The following ALX4 variants were observed in gnomAD, a reference collection of about 807,000 sequenced individuals.
The protein encoded by ALX4 is ALX homeobox 4.
ALX4 carries 22 observed loss-of-function variants against 40.6 expected under a neutral mutation model. The ratio of observed to expected loss-of-function variants is 0.54; its 90% CI spans 0.39 to 0.77. The LOEUF (loss-of-function observed/expected upper bound fraction) is 0.77. Ranked by LOEUF, ALX4 falls within the 30% of genes least tolerant of loss-of-function variation. The pLI is 0.00. For synonymous variants in ALX4, 266 were observed against 240.5 expected, an observed-to-expected ratio of 1.11 and a Z score of -0.98; for missense variants, 556 against 564.8, an observed-to-expected ratio of 0.98 and a Z score of 0.16.
rs373805352 is a variant in ALX4, at chr11:44,294,565, C to T, written c.466+15032G>A. Among the ~76,000 whole-genome samples the T allele has an allele frequency of 4.6e-5, 7 of 152,320 alleles. No individual in the cohort carries two copies. In the South Asian group the frequency reaches 6.2e-4, roughly 14 times the overall value. ...TTTGTCCCTCCTTGAAGCCTGCCCC[C>T]GCTGCGTTAGGTAGAGATGGCAGCC... On this transcript the variant is annotated intron_variant, in intron 1 of 3. Coordinates refer to ENST00000652299, the MANE Select transcript of ALX4 (RefSeq NM_021926.4).
rs1360664296 is a variant in ALX4 at position 44,287,608 on chromosome 11, AAAG to A, written c.467-11953_467-11951del. On this transcript the variant is annotated intron_variant, in intron 1 of 3. Coordinates refer to ENST00000652299, the MANE Select transcript of ALX4 (RefSeq NM_021926.4). ...AGAGACCTGTCTCAAAAAAAAAAGA[AAAG>A]AAAAGAAAAGAAAACAAAAAACTGG... is the stretch of plus-strand genomic sequence containing the variant. 6.1e-5 allele frequency among the ~76,000 whole-genome samples: 9 copies of A among 148,560 alleles called. 1 individual carries two copies. Among genetic ancestry groups the A allele is most frequent in the South Asian group, 4.2e-4 (2 of 4,772 alleles).
At chr11:44,267,699 G>C (rs1013274100) in intron 2 of ALX4, 77 bp from the exon 3 acceptor site, 1 of 1,597,778 alleles carries the variant, frequency 6.3e-7, no homozygotes, top group Non-Finnish European at 8.5e-7. Flanking sequence ...AGTGCAAACT[G>C]TTCCCTTGAG....
At position 44,275,626 on chromosome 11, in the gene ALX4, G is replaced by A. The variant is rs1458347692; in HGVS notation, c.499C>T (p.Pro167Ser). The change falls in exon 2 of 4, where the codon CCC becomes TCC. Residue 167 changes from proline to serine, a missense_variant. Pro to Ser is a moderately conservative substitution (Grantham distance 74). Transcript: ENST00000652299. ...ATCCCCACAGTGTCAGAGTCAGGGG[G>A]TAACTCTGGCTCACCCAGGGAGCTC... ...KESSLGEPELPPDSDTVGMDS... is the reference protein window; with the variant it reads ...KESSLGEPELSPDSDTVGMDS... 2 of 1,613,438 alleles carry A rather than the reference G, an allele frequency of 1.2e-6. No individual in the cohort carries two copies. Among genetic ancestry groups the A allele is most frequent in the Non-Finnish European group, 1.7e-6 (2 of 1,179,614 alleles).
Position 44,294,009 on chromosome 11 carries a change from A to C in ALX4, c.466+15588T>G, listed in dbSNP as rs925216299. ...GTGTGCTGAAAACCCCTCCCAGTGC[A>C]CCCCCTCCACCGTCTACAGAGCTCT... On this transcript the variant is annotated intron_variant, in intron 1 of 3. Transcript: ENST00000652299. 5.9e-5 allele frequency among the ~76,000 whole-genome samples: 9 copies of C among 151,548 alleles called. No individual in the cohort carries two copies. The South Asian group carries it at 8.4e-4, about 14-fold the overall frequency.
In ALX4 at chr11:44,275,642, C is replaced by G. The variant is rs1479643427; in HGVS notation, c.483G>C (p.Leu161=). Residue 161 remains leucine, a synonymous_variant, in exon 2 of 4, where the codon CTG becomes CTC. Coordinates refer to ENST00000652299, the MANE Select transcript of ALX4 (RefSeq NM_021926.4). ...AGTCAGGGGGTAACTCTGGCTCACC[C>G]AGGGAGCTCTCTTTAGCTGAGGGAG... ...QVPCYAKESS[L]GEPELPPDSD... is the part of the protein sequence containing the mutation. 2.5e-6 allele frequency: 4 copies of G among 1,613,276 alleles called. No homozygotes were observed. Among genetic ancestry groups the G allele is most frequent in the Non-Finnish European group, 3.4e-6 (4 of 1,179,494 alleles).
At chr11:44,280,207 G>A (rs1440485762) in intron 1 of ALX4, among the ~76,000 whole-genome samples, 1 of 152,204 alleles carries the variant, frequency 6.6e-6, no homozygotes, top group East Asian at 1.9e-4. Flanking sequence ...GACCTTGAGC[G>A]ATGTCTCCAT....
At chr11:44,265,839 G>A (rs1956210711) in intron 3 of ALX4, among the ~76,000 whole-genome samples, 3 of 152,298 alleles carry the variant, frequency 2.0e-5, no homozygotes, top group Non-Finnish European at 4.4e-5. Context: ...AGGGGCGAGG[G>A]CATGTGCAGG....
intron 1 of ALX4, among the ~76,000 whole-genome samples, chr11:44,298,890 G>A (rs1436347240): frequency 2.0e-5 from 3 of 152,162 alleles, no homozygotes; most frequent in African/African-American, 7.2e-5. Flanking sequence ...GATGAACGAA[G>A]AGAGAGTGGA....
At position 44,309,814 on chromosome 11, in the gene ALX4, C is replaced by A; in HGVS notation, c.249G>T (p.Ala83=). 3 of 1,552,258 alleles carry A rather than the reference C, an allele frequency of 1.9e-6. No homozygotes were observed. Among genetic ancestry groups the A allele is most frequent in the Non-Finnish European group, 2.6e-6 (3 of 1,147,728 alleles). Residue 83 remains alanine (A), a synonymous_variant, in exon 1 of 4, where the codon GCG becomes GCT. Transcript: ENST00000652299. ...LATPLESGAG[A]RGSFNKFQPQ... is the part of the protein sequence containing the mutation. ...GCTGGAACTTGTTAAAGGAGCCCCG[C>A]GCCCCAGCTCCACTCTCCAGGGGTG...
intron 1 of ALX4, among the ~76,000 whole-genome samples, chr11:44,285,780 G>T (rs141781205): frequency 1.3e-5 from 2 of 151,958 alleles, no homozygotes; most frequent in Non-Finnish European, 2.9e-5. Flanking sequence ...TCAGCCAAGG[G>T]CCACCCTTCT....
intron 1 of ALX4, among the ~76,000 whole-genome samples, chr11:44,281,766 T>A (rs544234271): frequency 6.6e-6 from 1 of 152,200 alleles, no homozygotes; most frequent in East Asian, 1.9e-4. Flanking sequence ...GAGCTCAACT[T>A]GAATGTCCCT....
intron 1 of ALX4, among the ~76,000 whole-genome samples, chr11:44,308,525 C>T (rs1430924596): frequency 2.0e-5 from 3 of 152,230 alleles, no homozygotes; most frequent in Non-Finnish European, 1.5e-5. Flanking sequence ...TCCCTTTCTG[C>T]GTCTTTGCTT....
intron 1 of ALX4, among the ~76,000 whole-genome samples, chr11:44,285,669 G>A (rs1956334182): frequency 6.6e-6 from 1 of 151,938 alleles, no homozygotes; most frequent in Non-Finnish European, 1.5e-5. Context: ...GGATGAAAGT[G>A]AGATCTTGTC....
chr11:44,294,927 G>A (rs1468646015), intron 1 of ALX4, among the ~76,000 whole-genome samples: 2 of 151,954 alleles, frequency 1.3e-5, no homozygotes, highest in African/African-American at 2.4e-5. Flanking sequence ...TCGGCTCACT[G>A]CAACCTCTGC....
intron 1 of ALX4, among the ~76,000 whole-genome samples, chr11:44,305,998 G>A (rs1203352506): frequency 6.6e-6 from 1 of 152,232 alleles, no homozygotes; most frequent in Admixed American, 6.5e-5. Flanking sequence ...TGAGTACAGG[G>A]AGGCTCTCTG....
At chr11:44,309,225 G>GC (rs1245158419) in intron 1 of ALX4, among the ~76,000 whole-genome samples, 26 of 150,902 alleles carry the variant, frequency 1.7e-4, no homozygotes, top group African/African-American at 5.8e-4. Flanking sequence ...CAGCCCCGCA[G>GC]CCCAGCGCCA....
intron 1 of ALX4, among the ~76,000 whole-genome samples, chr11:44,303,234 C>T (rs1956445149): frequency 6.6e-6 from 1 of 152,182 alleles, no homozygotes; most frequent in Non-Finnish European, 1.5e-5. Flanking sequence ...CATGCTGGGC[C>T]TCCAGTTCAG....
chr11:44,310,106 C>T lies in ALX4; in HGVS notation c.-44G>A. 1 of 1,536,304 alleles carries T rather than the reference C, an allele frequency of 6.5e-7. No individual in the cohort carries two copies. The highest frequency in any genetic ancestry group is 8.8e-7 in the Non-Finnish European group (1 of 1,138,626). The stretch of plus-strand genomic sequence containing the variant: ...GCGGGCGGGGACGCGAGCGAGGGCG[C>T]GAGGACGCCACCGCGCGCCTTGGCT... On this transcript the variant is annotated 5_prime_UTR_variant, in exon 1 of 4. Coordinates refer to ENST00000652299, the MANE Select transcript of ALX4 (RefSeq NM_021926.4).
chr11:44,301,738 G>A (rs974924077), intron 1 of ALX4, among the ~76,000 whole-genome samples: 1 of 152,202 alleles, frequency 6.6e-6, no homozygotes, highest in South Asian at 2.1e-4. Flanking sequence ...AGGAGAACTC[G>A]GTGGGTTCCT....
Sources: allele counts gnomAD v4.1 joint callset (sites outside exome capture counted in the v4.1 genomes callset), GRCh38; gene constraint gnomAD v4.1.1; transcripts MANE v1.5; gene names NCBI Gene and HGNC (gene_info 2026-07-23, HGNC 2026-07-21).